GLIS3: variants seen among roughly 807,000 people sequenced by gnomAD.
The protein encoded by GLIS3 is zinc finger protein GLIS3.
A neutral mutation model predicts 78.6 loss-of-function variants in GLIS3; 53 were observed. The observed-to-expected ratio is 0.67, with a 90% CI of 0.54 to 0.85. GLIS3 has a LOEUF of 0.85. Ranked by LOEUF, GLIS3 falls within the 40% of genes least tolerant of loss-of-function variation. GLIS3 has a pLI of 0.00. For missense variants in GLIS3, 1,703 were observed against 1,231.1 expected, an observed-to-expected ratio of 1.38 and a Z score of -5.74; for synonymous variants, 684 against 509.9, an observed-to-expected ratio of 1.34 and a Z score of -4.60.
At chr9:4,110,896 G>C (rs909598392) in intron 4 of GLIS3, among the ~76,000 whole-genome samples, 1 of 152,108 alleles carries the variant, frequency 6.6e-6, no homozygotes, top group Non-Finnish European at 1.5e-5. Context: ...GCTTCTTTTT[G>C]GAAAAATAAA....
At chr9:4,317,605 T>C (rs1329648310) in intron 2 of GLIS3, among the ~76,000 whole-genome samples, 1 of 152,254 alleles carries the variant, frequency 6.6e-6, no homozygotes, top group East Asian at 1.9e-4. Context: ...TTCATCCTTT[T>C]ATATGATACC....
chr9:4,012,751 T>C (rs1300640831), intron 4 of GLIS3, among the ~76,000 whole-genome samples: 2 of 146,932 alleles, frequency 1.4e-5, no homozygotes, highest in Non-Finnish European at 3.0e-5. Context: ...CTCTGGTTTC[T>C]TTTTTTTCTT....
chr9:3,985,107 A>C (rs1372791639), intron 4 of GLIS3, among the ~76,000 whole-genome samples: 4 of 151,818 alleles, frequency 2.6e-5, no homozygotes, highest in East Asian at 1.9e-4. Context: ...AAAAAAAAAA[A>C]AACCCATTTT....
At chr9:4,470,326 C>T in the GLIS3 span, among the ~76,000 whole-genome samples, 31 of 152,286 alleles carry the variant, frequency 2.0e-4, no homozygotes, top group African/African-American at 5.8e-4. Flanking sequence ...GGCCAATATC[C>T]CCGATGAATA....
chr9:4,050,722 G>T (rs936746335), intron 4 of GLIS3, among the ~76,000 whole-genome samples: 1 of 152,092 alleles, frequency 6.6e-6, no homozygotes, highest in Non-Finnish European at 1.5e-5. Context: ...CCTTTCCTGT[G>T]GGATTCTGAT....
chr9:4,345,111 C>CTT (rs1817881676), intron 2 of GLIS3, among the ~76,000 whole-genome samples: 1 of 152,152 alleles, frequency 6.6e-6, no homozygotes, highest in African/African-American at 2.4e-5. Flanking sequence ...CGCAAGTTTC[C>CTT]CCCTCAGAGC....
intron 2 of GLIS3, among the ~76,000 whole-genome samples, chr9:4,266,820 C>A (rs902283432): frequency 6.6e-6 from 1 of 152,154 alleles, no homozygotes; most frequent in Non-Finnish European, 1.5e-5. Context: ...GAACAGGAGC[C>A]AAAACTATTC....
At chr9:3,904,983 T>G (rs1216296325) in intron 6 of GLIS3, among the ~76,000 whole-genome samples, 1 of 151,522 alleles carries the variant, frequency 6.6e-6, no homozygotes, top group African/African-American at 2.4e-5. Flanking sequence ...ACTCTTTTTT[T>G]TTTTTTTGAG....
chr9:4,400,568 C>T, the GLIS3 span, among the ~76,000 whole-genome samples: 2 of 152,198 alleles, frequency 1.3e-5, no homozygotes, highest in African/African-American at 4.8e-5. Flanking sequence ...CTAAAGGGCA[C>T]CAGAGAAGAC....
chr9:3,883,667 A>C (rs1347238082), intron 7 of GLIS3, among the ~76,000 whole-genome samples: 1 of 152,220 alleles, frequency 6.6e-6, no homozygotes, highest in East Asian at 1.9e-4. Flanking sequence ...CGACACACAC[A>C]GGCTGCCCAC....
chr9:4,108,139 T>C (rs563397291), intron 4 of GLIS3, among the ~76,000 whole-genome samples: 1 of 152,192 alleles, frequency 6.6e-6, no homozygotes, highest in Admixed American at 6.5e-5. Flanking sequence ...TAAAGTAATA[T>C]AGTAGCTCAG....
chr9:4,121,764 T>G (rs1832208891), intron 3 of GLIS3, among the ~76,000 whole-genome samples: 1 of 152,150 alleles, frequency 6.6e-6, no homozygotes, highest in African/African-American at 2.4e-5. Context: ...GTATCCCACA[T>G]GTCACCCACA....
intron 5 of GLIS3, 68 bp from the exon 6 acceptor site, chr9:3,932,538 C>T (rs1036660922): frequency 5.2e-6 from 6 of 1,148,692 alleles, no homozygotes; most frequent in Non-Finnish European, 7.9e-6. Context: ...ATGTTTTACT[C>T]AAAGACTATT....
At chr9:4,314,965 C>G (rs7022658) in intron 2 of GLIS3, among the ~76,000 whole-genome samples, 1 of 151,940 alleles carries the variant, frequency 6.6e-6, no homozygotes, top group Non-Finnish European at 1.5e-5. Context: ...TGGGAAGCCC[C>G]GAAAGCCAGT....
chr9:3,929,788 T>A (rs1362716837), intron 6 of GLIS3, among the ~76,000 whole-genome samples: 1 of 152,232 alleles, frequency 6.6e-6, no homozygotes, highest in East Asian at 1.9e-4. Flanking sequence ...TTAATTCACA[T>A]TTTTGTAAAG....
intron 2 of GLIS3, among the ~76,000 whole-genome samples, chr9:4,230,277 G>C (rs2131362042): frequency 6.6e-6 from 1 of 152,308 alleles, no homozygotes; most frequent in South Asian, 2.1e-4. Flanking sequence ...TAAAGAAAGT[G>C]GGGCGAAGGT....
intron 2 of GLIS3, among the ~76,000 whole-genome samples, chr9:4,172,545 G>C (rs541330345): frequency 2.6e-5 from 4 of 152,216 alleles, no homozygotes; most frequent in African/African-American, 9.6e-5. Flanking sequence ...ACTAACTATA[G>C]ACAGTTATCT....
At chr9:4,408,195 G>A in the GLIS3 span, among the ~76,000 whole-genome samples, 6 of 152,014 alleles carry the variant, frequency 3.9e-5, no homozygotes, top group African/African-American at 1.5e-4. Context: ...CCACTACGGA[G>A]AACAGCATGG....
chr9:4,070,888 A>C (rs1827543338), intron 4 of GLIS3: 4 of 152,222 alleles, frequency 2.6e-5, no homozygotes, highest in Admixed American at 2.0e-4. Context: ...TTCTCAACAC[A>C]GTAGCAAAAT....
Sources: gnomAD v4.1 joint callset for allele counts (sites outside exome capture counted in the v4.1 genomes callset) on GRCh38, gnomAD v4.1.1 for gene constraint, MANE v1.5 for transcripts, NCBI Gene and HGNC (gene_info 2026-07-23, HGNC 2026-07-21) for gene names.